The following ATP8A2 variants were observed in gnomAD, a reference collection of about 807,000 sequenced individuals.
ATP8A2 encodes the protein ATPase phospholipid transporting 8A2.
In ATP8A2, 100 loss-of-function variants were observed where a neutral mutation model predicts 165.6. The ratio of observed to expected loss-of-function variants is 0.60; its 90% CI spans 0.51 to 0.71. The LOEUF (loss-of-function observed/expected upper bound fraction) is 0.71. Among genes scored for constraint, ATP8A2 ranks in the 30% least tolerant of loss-of-function variants. ATP8A2 has a pLI of 0.00. For missense variants in ATP8A2, 1,227 were observed against 1,479.5 expected (o/e 0.83, Z 2.80); for synonymous variants, 543 against 548.8 (o/e 0.99, Z 0.15).
chr13:25,867,792 C>T (rs74496254), intron 33 of ATP8A2: 90 of 164,696 alleles, frequency 5.5e-4, no homozygotes, highest in African/African-American at 2.0e-3. Flanking sequence ...CCATCTGAAC[C>T]ATGTGGGTGC....
intron 25 of ATP8A2, among the ~76,000 whole-genome samples, chr13:25,706,723 C>A (rs2043061563): frequency 6.6e-6 from 1 of 152,106 alleles, no homozygotes; most frequent in Non-Finnish European, 1.5e-5. Flanking sequence ...AGTTATAAGC[C>A]AGCTTCCTAC....
chr13:25,534,793 C>T (rs1166509012), intron 6 of ATP8A2, among the ~76,000 whole-genome samples: 1 of 152,218 alleles, frequency 6.6e-6, no homozygotes, highest in Non-Finnish European at 1.5e-5. Flanking sequence ...TTTCAAACTT[C>T]AGTGGGCATC....
intron 25 of ATP8A2, among the ~76,000 whole-genome samples, chr13:25,753,573 A>G (rs1054919122): frequency 2.0e-5 from 3 of 152,198 alleles, no homozygotes; most frequent in African/African-American, 7.2e-5. Context: ...ATGCTGGGAA[A>G]ACAGCAAACA....
rs1748582 is a variant in ATP8A2 at position 25,460,831 on chromosome 13, C to A, written c.77-8146C>A. Among the ~76,000 whole-genome samples the A allele has an allele frequency of 8.2e-4, 124 of 152,088 alleles. 1 individual carries two copies. The highest frequency in any genetic ancestry group is 2.8e-3 in the African/African-American group (118 of 41,468). ...CCAAATCATAATCATTCTTATAAGC[C>A]TATTTCAAATGGCTTCCTGAATGAA... On this transcript the variant is annotated intron_variant, in intron 1 of 36. Transcript: ENST00000381655.
Position 25,469,016 on chromosome 13 carries a change from A to G in ATP8A2, c.116A>G (p.Asp39Gly). The G allele has an allele frequency of 1.2e-6, 2 of 1,614,034 alleles. No homozygotes were observed. The highest frequency in any genetic ancestry group is 1.7e-6 in the Non-Finnish European group (2 of 1,179,900). ...RSSLGYKKAE[D>G]EMSRATSVGD... ...TCTTTGGGCTATAAGAAGGCAGAGGATGAGATGTCCCGGGCCACGTCTGTT... is the reference window on the plus strand; with the variant it reads ...TCTTTGGGCTATAAGAAGGCAGAGGGTGAGATGTCCCGGGCCACGTCTGTT... The change falls in exon 2 of 37, where the codon GAT (aspartate) becomes GGT (glycine). Residue 39 changes from aspartate (D) to glycine (G), a missense_variant. Asp to Gly is a moderately conservative substitution (Grantham distance 94). Coordinates refer to ENST00000381655, the MANE Select transcript of ATP8A2 (RefSeq NM_016529.6).
intron 31 of ATP8A2, 106 bp downstream of exon 31, chr13:25,860,362 A>C (rs1358775776): frequency 3.3e-6 from 2 of 612,328 alleles, no homozygotes; most frequent in Non-Finnish European, 5.7e-6. Context: ...ATTTATTTCA[A>C]ATCTTCAAAA....
intron 33 of ATP8A2, among the ~76,000 whole-genome samples, chr13:25,930,654 A>G (rs1954746678): frequency 6.6e-6 from 1 of 152,214 alleles, no homozygotes; most frequent in Admixed American, 6.5e-5. Flanking sequence ...TCTTCAGATG[A>G]GGAACCTTAT....
chr13:25,456,042 C>T (rs1168820756), intron 1 of ATP8A2, among the ~76,000 whole-genome samples: 1 of 152,152 alleles, frequency 6.6e-6, no homozygotes, highest in Non-Finnish European at 1.5e-5. Flanking sequence ...AAGGAGGGGG[C>T]ACTCTGGGAA....
chr13:25,753,056 C>T lies in ATP8A2; in HGVS notation c.2385-15990C>T, dbSNP rs116140510. Among the ~76,000 whole-genome samples, 335 of 152,312 alleles carry T rather than the reference C, an allele frequency of 2.2e-3. 1 individual carries two copies. The highest frequency in any genetic ancestry group is 7.9e-3 in the African/African-American group (328 of 41,564). On this transcript the variant is annotated intron_variant, in intron 25 of 36. Coordinates refer to ENST00000381655, the MANE Select transcript of ATP8A2 (RefSeq NM_016529.6). Reference sequence around the variant, plus strand: ...CTGCTGTGGGGTCTTTGTGCCCTCCCTCGGTCTCCTTCAGCAAGCTGGGCC... The same window carrying T: ...CTGCTGTGGGGTCTTTGTGCCCTCCTTCGGTCTCCTTCAGCAAGCTGGGCC...
chr13:25,506,873 G>A (rs1244685117), intron 2 of ATP8A2, among the ~76,000 whole-genome samples: 1 of 150,426 alleles, frequency 6.6e-6, no homozygotes, highest in East Asian at 1.9e-4. Flanking sequence ...GGATTTTAGA[G>A]CATTTCAAAT....
intron 14 of ATP8A2, 49 bp downstream of exon 14, chr13:25,559,110 A>G (rs780972711): frequency 1.5e-6 from 2 of 1,308,494 alleles, no homozygotes; most frequent in African/African-American, 3.0e-5. Context: ...TCTTTCAAGA[A>G]AATAAGTTTA....
At chr13:25,772,998 G>T (rs770734375) in intron 26 of ATP8A2, among the ~76,000 whole-genome samples, 24 of 152,138 alleles carry the variant, frequency 1.6e-4, no homozygotes, top group Non-Finnish European at 3.4e-4. Flanking sequence ...GGCCTTAGGT[G>T]ATCTGCCCGC....
At chr13:25,631,520 C>A (rs1593690054) in intron 24 of ATP8A2, among the ~76,000 whole-genome samples, 1 of 152,138 alleles carries the variant, frequency 6.6e-6, no homozygotes, top group East Asian at 1.9e-4. Flanking sequence ...ATCATTTTGT[C>A]AAGTGCTGGA....
chr13:25,524,613 A>G (rs2037775832), intron 2 of ATP8A2, among the ~76,000 whole-genome samples: 1 of 152,006 alleles, frequency 6.6e-6, no homozygotes, highest in South Asian at 2.1e-4. Context: ...TTTGACTTGT[A>G]GTCCGTTTTG....
Position 25,623,407 on chromosome 13 carries a change from C to G in ATP8A2, c.2211+33708C>G, listed in dbSNP as rs550957950. On this transcript the variant is annotated intron_variant, in intron 24 of 36. Transcript: ENST00000381655. The stretch of plus-strand genomic sequence containing the variant: ...TGAGACTTAGTCTCCACAATAGCAA[C>G]AACAAAAAGCCAGGACTATGATTTT... Among the ~76,000 whole-genome samples the G allele has an allele frequency of 1.5e-3, 228 of 151,390 alleles. 1 individual carries two copies. Among genetic ancestry groups the G allele is most frequent in the South Asian group, 2.7e-3 (13 of 4,776 alleles).
chr13:25,715,063 T>TA (rs1276520093), intron 25 of ATP8A2, among the ~76,000 whole-genome samples: 1 of 152,224 alleles, frequency 6.6e-6, no homozygotes, highest in Admixed American at 6.5e-5. Flanking sequence ...TCATGCCACT[T>TA]ATGAAGGGTG....
intron 27 of ATP8A2, among the ~76,000 whole-genome samples, chr13:25,822,168 G>C (rs183375160): frequency 1.3e-5 from 2 of 152,046 alleles, no homozygotes; most frequent in African/African-American, 4.8e-5. Flanking sequence ...AACTTACTTA[G>C]AGTTCATTAC....
chr13:25,962,111 T>C (rs1955674081), intron 34 of ATP8A2, among the ~76,000 whole-genome samples: 1 of 152,218 alleles, frequency 6.6e-6, no homozygotes, highest in African/African-American at 2.4e-5. Flanking sequence ...GAATGTTGCC[T>C]TATATAAAGG....
At chr13:25,587,071 T>C (rs2039941766) in intron 23 of ATP8A2, among the ~76,000 whole-genome samples, 1 of 152,136 alleles carries the variant, frequency 6.6e-6, no homozygotes, top group Admixed American at 6.6e-5. Context: ...TCTTGTTAGA[T>C]TGCGAGATTA....
Sources: allele counts gnomAD v4.1 joint callset (sites outside exome capture counted in the v4.1 genomes callset), GRCh38; gene constraint gnomAD v4.1.1; transcripts MANE v1.5; gene names NCBI Gene and HGNC (gene_info 2026-07-23, HGNC 2026-07-21).